LHX4: variants seen among roughly 807,000 people sequenced by gnomAD.
LHX4 encodes the protein LIM/homeobox protein Lhx4.
Under a neutral mutation model 39.2 loss-of-function variants are expected in LHX4, and 16 were observed. The ratio of observed to expected loss-of-function variants is 0.41; its 90% CI spans 0.28 to 0.62. The LOEUF is 0.62. Among genes scored for constraint, LHX4 ranks in the 20% least tolerant of loss-of-function variants. The pLI is 0.33. For missense variants in LHX4, 439 were observed against 511.9 expected (o/e 0.86, Z 1.37); for synonymous variants, 206 against 198.1 (o/e 1.04, Z -0.33).
chr1:180,275,572 G>C lies in LHX4; in HGVS notation c.*993G>C, dbSNP rs1251034749. The stretch of plus-strand genomic sequence containing the variant: ...AATATTTGGAGTCTGTTTTGAAGGA[G>C]TTGGTTTAGATGAGCTTGCAAGTCT... On this transcript the variant is annotated 3_prime_UTR_variant, in exon 6 of 6. Transcript: ENST00000263726. 2 of 152,330 alleles carry C rather than the reference G, an allele frequency of 1.3e-5. No homozygotes were observed. The highest frequency in any genetic ancestry group is 2.1e-4 in the South Asian group (1 of 4,826). 9.4% of individuals were successfully genotyped at this position (152,330 alleles called of 1,614,324 possible).
intron 1 of LHX4, among the ~76,000 whole-genome samples, chr1:180,238,844 G>A (rs559520567): frequency 1.3e-5 from 2 of 152,192 alleles, no homozygotes; most frequent in Non-Finnish European, 2.9e-5. Context: ...GGGTTGGGGG[G>A]CGGCACACAC....
rs910186157 is a variant in LHX4 at position 180,278,168 on chromosome 1, C to G, written c.*3589C>G. 5 of 152,200 alleles carry G rather than the reference C, an allele frequency of 3.3e-5. No individual in the cohort carries two copies. The highest frequency in any genetic ancestry group is 4.8e-5 in the African/African-American group (2 of 41,440). 9.4% of individuals were successfully genotyped at this position (152,200 alleles called of 1,614,324 possible). A position where few individuals can be genotyped will look rare whatever the true frequency, so the allele number is the denominator to read the frequency against. On this transcript the variant is annotated 3_prime_UTR_variant, in exon 6 of 6. Transcript: ENST00000263726. ...GAAAATAATGACCATACCTCCCCAG[C>G]CAGCAGGGTCTGGAAGGCCTGAGGA...
At chr1:180,246,976 G>T (rs1297400066) in intron 1 of LHX4, among the ~76,000 whole-genome samples, 1 of 152,220 alleles carries the variant, frequency 6.6e-6, no homozygotes, top group African/African-American at 2.4e-5. Flanking sequence ...AAACCCTGGG[G>T]TTGCCAGCCT....
chr1:180,229,120 G>A (rs2149249680), upstream of LHX4, among the ~76,000 whole-genome samples: 1 of 152,322 alleles, frequency 6.6e-6, no homozygotes, highest in East Asian at 1.9e-4. Context: ...TGTTTTAAGC[G>A]TTTCTCTACC....
chr1:180,253,346 C>G (rs1225067479), intron 2 of LHX4, among the ~76,000 whole-genome samples: 1 of 152,240 alleles, frequency 6.6e-6, no homozygotes, highest in Non-Finnish European at 1.5e-5. Flanking sequence ...AGCCAGGCAG[C>G]TGCCTTCCTC....
At position 180,274,353 on chromosome 1, in the gene LHX4, C is replaced by T. The variant is rs866073006; in HGVS notation, c.947C>T (p.Ser316Phe). ...TATGGAATCCCCCAGTCTCCATCCT[C>T]CATATCGTCCCTGCCATCCCACGCT... Reference protein sequence around the residue: ...SPYGIPQSPSSISSLPSHAPL... With the variant: ...SPYGIPQSPSFISSLPSHAPL... Residue 316 changes from serine to phenylalanine, a missense_variant, in exon 6 of 6, where the codon TCC becomes TTC. By Grantham distance (155) the Ser-to-Phe change is radical (BLOSUM62 -2). Transcript: ENST00000263726. 5 of 1,614,120 alleles carry T rather than the reference C, an allele frequency of 3.1e-6. No homozygotes were observed. In the African/African-American group the frequency reaches 5.3e-5, roughly 17 times the overall value.
chr1:180,269,292 C>A (rs2149264642), intron 3 of LHX4, among the ~76,000 whole-genome samples: 1 of 152,280 alleles, frequency 6.6e-6, no homozygotes, highest in Admixed American at 6.5e-5. Context: ...ATCATGGGCT[C>A]CCTTGGCCTT....
In LHX4 at chr1:180,271,668, C is replaced by T. The variant is rs954557223; in HGVS notation, c.606+134C>T. 4 of 1,350,230 alleles carry T rather than the reference C, an allele frequency of 3.0e-6. No individual in the cohort carries two copies. The African/African-American group carries it at 4.3e-5, about 15-fold the overall frequency. 83.6% of individuals were successfully genotyped at this position (1,350,230 alleles called of 1,614,324 possible). On this transcript the variant is annotated intron_variant, in intron 4 of 5. Coordinates refer to ENST00000263726, the MANE Select transcript of LHX4 (RefSeq NM_033343.4). ...CCAGGGCTTTTGCCAGAACTGAAGACAGAGTTCTGAGGCCCACCTGGGGAG... is the reference window on the plus strand; with the variant it reads ...CCAGGGCTTTTGCCAGAACTGAAGATAGAGTTCTGAGGCCCACCTGGGGAG...
upstream of LHX4, among the ~76,000 whole-genome samples, chr1:180,229,969 G>T (rs1368267606): frequency 2.8e-5 from 4 of 145,222 alleles, no homozygotes; most frequent in East Asian, 4.2e-4. Flanking sequence ...CGGGGAGGGG[G>T]GGGGGGTGCC....
rs139190649 is a variant in LHX4, at chr1:180,251,817, G to T, written c.248+3361G>T. Among the ~76,000 whole-genome samples, 412 of 152,242 alleles carry T rather than the reference G, an allele frequency of 2.7e-3. 3 individuals are homozygous for T. Among genetic ancestry groups the T allele is most frequent in the African/African-American group, 9.4e-3 (391 of 41,544 alleles). ...AGGGCTGGGTCCTTCTGTAATGCAGGGCATCTGGCCACGGATTCAGTGCTG... is the reference window on the plus strand; with the variant it reads ...AGGGCTGGGTCCTTCTGTAATGCAGTGCATCTGGCCACGGATTCAGTGCTG... On this transcript the variant is annotated intron_variant, in intron 2 of 5. Transcript: ENST00000263726.
At chr1:180,252,422 T>G (rs1395510267) in intron 2 of LHX4, among the ~76,000 whole-genome samples, 3 of 152,202 alleles carry the variant, frequency 2.0e-5, no homozygotes, top group Non-Finnish European at 4.4e-5. Context: ...GGAAGACAGC[T>G]GGTCAGAGCT....
chr1:180,233,303 C>A (rs1053907601), intron 1 of LHX4, among the ~76,000 whole-genome samples: 1 of 152,258 alleles, frequency 6.6e-6, no homozygotes, highest in Non-Finnish European at 1.5e-5. Context: ...CTTAGCAGTT[C>A]GCGCCGTAGC....
In LHX4 at chr1:180,230,739, A is replaced by G; in HGVS notation, c.76+134A>G. On this transcript the variant is annotated intron_variant, in intron 1 of 5. Transcript: ENST00000263726. The surrounding 1 kb of genome is among the most constrained non-coding windows in gnomAD (Gnocchi z 5.8). The stretch of plus-strand genomic sequence containing the variant: ...CGGGGCGCAGAGGCGGTCACAGGGC[A>G]GGGGCACCAGCCAGAGTGCGTTTGA... 1 of 798,302 alleles carries G rather than the reference A, an allele frequency of 1.3e-6. No homozygotes were observed. 49.5% of individuals were successfully genotyped at this position (798,302 alleles called of 1,614,324 possible).
intron 1 of LHX4, among the ~76,000 whole-genome samples, chr1:180,235,089 G>A (rs1026446215): frequency 4.6e-5 from 7 of 152,398 alleles, no homozygotes; most frequent in African/African-American, 1.7e-4. Context: ...CCCTTCGCGG[G>A]TAGCCGGCTT....
chr1:180,269,147 G>A (rs1315464643), intron 3 of LHX4, among the ~76,000 whole-genome samples: 1 of 151,986 alleles, frequency 6.6e-6, no homozygotes, highest in East Asian at 1.9e-4. Context: ...GTGTGGGGGG[G>A]GGGGTGGTAT....
intron 1 of LHX4, among the ~76,000 whole-genome samples, chr1:180,244,330 G>A (rs1333814788): frequency 2.6e-5 from 4 of 152,120 alleles, no homozygotes; most frequent in Admixed American, 6.5e-5. Flanking sequence ...AGAGGGCCCC[G>A]GTTTGGTCCC....
chr1:180,229,838 A>C (rs974904456), upstream of LHX4, among the ~76,000 whole-genome samples: 58 of 150,850 alleles, frequency 3.8e-4, no homozygotes, highest in African/African-American at 1.3e-3. Context: ...CTTGGAACCC[A>C]CGAAGACCCG....
chr1:180,232,818 G>A lies in LHX4; in HGVS notation c.76+2213G>A, dbSNP rs1244257982. 6.6e-6 allele frequency among the ~76,000 whole-genome samples: 1 copy of A among 152,250 alleles called. No individual in the cohort carries two copies. Among genetic ancestry groups the A allele is most frequent in the African/African-American group, 2.4e-5 (1 of 41,464 alleles). Reference sequence around the variant, plus strand: ...ATTAGTTTTCTTGGGACTGGGCCCAGTGGCCTAAGAAGGGGGGAAGCTCGA... The same window carrying A: ...ATTAGTTTTCTTGGGACTGGGCCCAATGGCCTAAGAAGGGGGGAAGCTCGA... On this transcript the variant is annotated intron_variant, in intron 1 of 5. Coordinates refer to ENST00000263726, the MANE Select transcript of LHX4 (RefSeq NM_033343.4). This position sits in a 1 kb window ranked among gnomAD's most constrained non-coding sequence, Gnocchi z 5.4.
rs1647465183 is a variant in LHX4 at position 180,248,287 on chromosome 1, A to T, written c.79A>T (p.Ile27Phe). ...PEMLGVPMQQ[I>F]PQCAGCNQHI... The stretch of plus-strand genomic sequence containing the variant: ...CCTCTCTCTCCTCTTCCTCACAGAG[A>T]TTCCCCAGTGCGCTGGCTGCAACCA... The change falls in exon 2 of 6, where the codon ATT becomes TTT. Residue 27 changes from isoleucine (I) to phenylalanine (F), a missense_variant and splice_region_variant. Ile to Phe is a conservative substitution (Grantham distance 21, BLOSUM62 0). Transcript: ENST00000263726. The T allele has an allele frequency of 6.2e-7, 1 of 1,613,910 alleles. No individual in the cohort carries two copies. Among genetic ancestry groups the T allele is most frequent in the African/African-American group, 1.3e-5 (1 of 74,924 alleles).
Sources: allele counts gnomAD v4.1 joint callset (sites outside exome capture counted in the v4.1 genomes callset), GRCh38; gene constraint gnomAD v4.1.1; non-coding constraint Gnocchi (gnomAD v3.1); transcripts MANE v1.5; gene names NCBI Gene and HGNC (gene_info 2026-07-23, HGNC 2026-07-21).